Variants in SLC44A5 observed in about 807,000 individuals in gnomAD.
The protein encoded by SLC44A5 is choline transporter-like protein 5.
A neutral mutation model predicts 101.8 loss-of-function variants in SLC44A5; 57 were observed. The ratio of observed to expected loss-of-function variants is 0.56; its 90% CI spans 0.45 to 0.70. The LOEUF (loss-of-function observed/expected upper bound fraction) is 0.70. Ranked by LOEUF, SLC44A5 falls within the 30% of genes least tolerant of loss-of-function variation. The pLI, the probability that SLC44A5 is intolerant of heterozygous loss-of-function variation, is 0.00. For synonymous variants in SLC44A5, 281 were observed against 290.9 expected (o/e 0.97, Z 0.35); for missense variants, 737 against 853.1 (o/e 0.86, Z 1.70).
chr1:75,526,971 T>C (rs1670439972), intron 2 of SLC44A5, among the ~76,000 whole-genome samples: 1 of 151,562 alleles, frequency 6.6e-6, no homozygotes, highest in African/African-American at 2.4e-5. Context: ...CTGCCTCTAC[T>C]AAAAATGCAA....
chr1:75,409,183 G>C (rs1254746594), intron 2 of SLC44A5, among the ~76,000 whole-genome samples: 1 of 152,140 alleles, frequency 6.6e-6, no homozygotes, highest in Non-Finnish European at 1.5e-5. Flanking sequence ...GACTCTAAAA[G>C]ATGGGGGCAA....
chr1:75,547,225 G>A (rs1671699074), intron 1 of SLC44A5, among the ~76,000 whole-genome samples: 1 of 152,122 alleles, frequency 6.6e-6, no homozygotes, highest in African/African-American at 2.4e-5. Context: ...CCTAATTGAA[G>A]AAAACCAAGG....
At chr1:75,638,305 A>G in the SLC44A5 span, among the ~76,000 whole-genome samples, 3 of 152,142 alleles carry the variant, frequency 2.0e-5, no homozygotes, top group Non-Finnish European at 4.4e-5. Flanking sequence ...AAGCATTTGT[A>G]TGATTTAACA....
intron 5 of SLC44A5, among the ~76,000 whole-genome samples, chr1:75,285,505 A>G (rs969470827): frequency 1.3e-5 from 2 of 151,248 alleles, no homozygotes; most frequent in African/African-American, 4.9e-5. Context: ...CTTTTCTTCT[A>G]CTGGGTTTGG....
chr1:75,450,797 C>T lies in SLC44A5; in HGVS notation c.14-54176G>A, dbSNP rs10443179. 3.2e-3 allele frequency among the ~76,000 whole-genome samples: 485 copies of T among 152,310 alleles called. 3 individuals are homozygous for T. The highest frequency in any genetic ancestry group is 5.2e-3 in the Non-Finnish European group (353 of 68,028). On this transcript the variant is annotated intron_variant, in intron 2 of 23. Coordinates refer to ENST00000370859, the MANE Select transcript of SLC44A5 (RefSeq NM_001130058.2). ...CCTGGATCAGCAGCCTGAGCTACAC[C>T]ACTCTTCCTGTGCAAAGATCCTAGT...
At chr1:75,374,143 T>C (rs926743354) in intron 3 of SLC44A5, among the ~76,000 whole-genome samples, 2 of 152,166 alleles carry the variant, frequency 1.3e-5, no homozygotes, top group African/African-American at 4.8e-5. Context: ...GTTGGGCCTG[T>C]TCTTACGCAG....
intron 23 of SLC44A5, among the ~76,000 whole-genome samples, chr1:75,210,212 AATTT>A (rs145757681): frequency 2.0e-5 from 3 of 151,170 alleles, no homozygotes; most frequent in Non-Finnish European, 4.4e-5. Context: ...GTGCCTGGCT[AATTT>A]ATTTATTTAT....
At position 75,350,972 on chromosome 1, in the gene SLC44A5, C is replaced by T. The variant is rs183117969; in HGVS notation, c.53-11342G>A. 1.7e-3 allele frequency among the ~76,000 whole-genome samples: 258 copies of T among 150,472 alleles called. 1 individual carries two copies. Among genetic ancestry groups the T allele is most frequent in the African/African-American group, 6.1e-3 (250 of 41,078 alleles). The stretch of plus-strand genomic sequence containing the variant: ...GAAGATAAAGCATGTGAATTTTAAC[C>T]GAAAGGAATGAGTTGAAGTTGATCT... On this transcript the variant is annotated intron_variant, in intron 3 of 23. Transcript: ENST00000370859.
chr1:75,588,510 C>A (rs1390572564), intron 1 of SLC44A5, among the ~76,000 whole-genome samples: 1 of 151,952 alleles, frequency 6.6e-6, no homozygotes, highest in Admixed American at 6.6e-5. Flanking sequence ...GAACACATAT[C>A]TGCCCGATCC....
chr1:75,388,519 G>A (rs573133616), intron 3 of SLC44A5, among the ~76,000 whole-genome samples: 3 of 152,106 alleles, frequency 2.0e-5, no homozygotes, highest in African/African-American at 4.8e-5. Context: ...AGTGGCTCAT[G>A]CCTGTAATTC....
At chr1:75,516,646 G>A (rs933947060) in intron 2 of SLC44A5, among the ~76,000 whole-genome samples, 1 of 152,148 alleles carries the variant, frequency 6.6e-6, no homozygotes, top group African/African-American at 2.4e-5. Flanking sequence ...ATGAATCTAA[G>A]TTCTATGTTA....
the SLC44A5 span, among the ~76,000 whole-genome samples, chr1:75,628,186 G>T: frequency 0.012 from 1,862 of 152,022 alleles, 53 homozygotes; most frequent in African/African-American, 0.043. Flanking sequence ...TATGAAAGAA[G>T]TTTCCCTCTG....
At chr1:75,568,775 C>T (rs879588390) in intron 1 of SLC44A5, among the ~76,000 whole-genome samples, 1 of 152,158 alleles carries the variant, frequency 6.6e-6, no homozygotes, top group Non-Finnish European at 1.5e-5. Context: ...ATAGAACATC[C>T]TAAAGCACAA....
chr1:75,236,419 T>C (rs1648082070), intron 11 of SLC44A5, among the ~76,000 whole-genome samples: 1 of 151,974 alleles, frequency 6.6e-6, no homozygotes, highest in South Asian at 2.1e-4. Flanking sequence ...GGAATGCAAC[T>C]CTTATGCCTG....
the SLC44A5 span, among the ~76,000 whole-genome samples, chr1:75,644,907 G>A: frequency 1.3e-5 from 2 of 149,962 alleles, no homozygotes; most frequent in Admixed American, 1.3e-4. Flanking sequence ...TGTCCTTGCT[G>A]AGAATGATGG....
chr1:75,285,444 T>A (rs2100798608), intron 5 of SLC44A5, among the ~76,000 whole-genome samples: 1 of 151,994 alleles, frequency 6.6e-6, no homozygotes, highest in African/African-American at 2.4e-5. Context: ...TTGTTTCATT[T>A]ATCATTTTTT....
rs1279712604 is a variant in SLC44A5 at position 75,396,754 on chromosome 1, C to T, written c.14-133G>A. On this transcript the variant is annotated intron_variant, in intron 2 of 23. Coordinates refer to ENST00000370859, the MANE Select transcript of SLC44A5 (RefSeq NM_001130058.2). Reference sequence around the variant, plus strand: ...CACAAAATAACATAAGGCAGTTGGACTGGTTGAAGTAATTCTTTATACACA... The same window carrying T: ...CACAAAATAACATAAGGCAGTTGGATTGGTTGAAGTAATTCTTTATACACA... The T allele has an allele frequency of 1.0e-5, 7 of 679,514 alleles. No individual in the cohort carries two copies. In the African/African-American group the frequency reaches 1.2e-4, roughly 12 times the overall value. 42.1% of individuals were successfully genotyped at this position (679,514 alleles called of 1,614,324 possible). A position where few individuals can be genotyped will look rare whatever the true frequency, so the allele number is the denominator to read the frequency against.
intron 2 of SLC44A5, among the ~76,000 whole-genome samples, chr1:75,431,780 G>A (rs944660883): frequency 6.6e-5 from 10 of 152,140 alleles, no homozygotes; most frequent in African/African-American, 2.2e-4. Context: ...ACAATCATCC[G>A]AGGAGAAGGG....
At chr1:75,279,388 T>C (rs563382819) in intron 5 of SLC44A5, among the ~76,000 whole-genome samples, 155 of 152,182 alleles carry the variant, frequency 1.0e-3, no homozygotes, top group African/African-American at 3.7e-3. Context: ...TAAGCCACCT[T>C]GAAGGCACAT....
Sources: allele counts gnomAD v4.1 joint callset (sites outside exome capture counted in the v4.1 genomes callset), GRCh38; gene constraint gnomAD v4.1.1; transcripts MANE v1.5; gene names NCBI Gene and HGNC (gene_info 2026-07-23, HGNC 2026-07-21).